Variants in PRLR observed in about 807,000 individuals in gnomAD.
The protein encoded by PRLR is prolactin receptor.
In PRLR, 13 loss-of-function variants were observed where a neutral mutation model predicts 40.2. That is an observed-to-expected ratio of 0.32 (90% CI 0.21 to 0.51). PRLR has a LOEUF of 0.51. Among genes scored for constraint, PRLR ranks in the 20% least tolerant of loss-of-function variants. The pLI, the probability that PRLR is intolerant of heterozygous loss-of-function variation, is 0.97. For synonymous variants in PRLR, 269 were observed against 278.7 expected, an observed-to-expected ratio of 0.97 and a Z score of 0.35; for missense variants, 656 against 747.3, an observed-to-expected ratio of 0.88 and a Z score of 1.42.
At chr5:35,086,642 C>T (rs533105019) in intron 3 of PRLR, among the ~76,000 whole-genome samples, 1 of 151,960 alleles carries the variant, frequency 6.6e-6, no homozygotes, top group East Asian at 1.9e-4. Flanking sequence ...TGCAAAATTT[C>T]AACAAAGAAT....
At chr5:35,097,830 G>A (rs1246619317) in intron 2 of PRLR, among the ~76,000 whole-genome samples, 1 of 152,100 alleles carries the variant, frequency 6.6e-6, no homozygotes, top group African/African-American at 2.4e-5. Context: ...CTTTGGAAAG[G>A]GGGGCCCTAG....
intron 6 of PRLR, 81 bp downstream of exon 6, chr5:35,072,494 A>G: frequency 6.9e-7 from 1 of 1,453,696 alleles, no homozygotes; most frequent in Non-Finnish European, 9.4e-7. Context: ...AGTAATTAGG[A>G]GGAATGACCT....
downstream of PRLR, among the ~76,000 whole-genome samples, chr5:35,053,657 A>G (rs1768584023): frequency 6.6e-6 from 1 of 152,256 alleles, no homozygotes; most frequent in Non-Finnish European, 1.5e-5. Flanking sequence ...AGAATAATGT[A>G]AAGTTTTATT....
chr5:35,100,483 A>G (rs1015987326), intron 2 of PRLR, among the ~76,000 whole-genome samples: 3 of 152,136 alleles, frequency 2.0e-5, no homozygotes. Flanking sequence ...TTTTTACTAT[A>G]CCTTTCCTAT....
At chr5:35,148,002 A>G (rs1774233776) in intron 1 of PRLR, among the ~76,000 whole-genome samples, 1 of 152,156 alleles carries the variant, frequency 6.6e-6, no homozygotes, top group Non-Finnish European at 1.5e-5. Context: ...TATATGTATA[A>G]TACAGATAGA....
At chr5:35,194,800 A>G (rs1028378158) in intron 1 of PRLR, among the ~76,000 whole-genome samples, 1 of 152,188 alleles carries the variant, frequency 6.6e-6, no homozygotes, top group Non-Finnish European at 1.5e-5. Context: ...AGGGAAGTGA[A>G]ACTATTCTGT....
intron 1 of PRLR, among the ~76,000 whole-genome samples, chr5:35,151,089 C>T (rs1020580609): frequency 3.3e-5 from 5 of 152,180 alleles, no homozygotes; most frequent in Admixed American, 6.5e-5. Flanking sequence ...TTGCTATTTA[C>T]CAATATTTCT....
chr5:35,109,268 A>G lies in PRLR; in HGVS notation c.-44+8793T>C, dbSNP rs189583957. On this transcript the variant is annotated intron_variant, in intron 2 of 9. Transcript: ENST00000618457. ...AGACCTAAAACCATAAAAACCCTAG[A>G]AGAAAATCTAGGCAATACCATTCAG... Among the ~76,000 whole-genome samples the G allele has an allele frequency of 3.5e-3, 526 of 152,338 alleles. 3 individuals carry two copies. The highest frequency in any genetic ancestry group is 0.011 in the African/African-American group (451 of 41,558).
chr5:35,123,992 A>G (rs184139560), intron 1 of PRLR, among the ~76,000 whole-genome samples: 1 of 152,290 alleles, frequency 6.6e-6, no homozygotes, highest in East Asian at 1.9e-4. Flanking sequence ...ATGTCAGAGG[A>G]AAAGGGAAAG....
intron 1 of PRLR, among the ~76,000 whole-genome samples, chr5:35,170,642 C>G (rs35911934): frequency 0.29 from 43,443 of 152,152 alleles, 6,337 homozygotes; most frequent in Middle Eastern, 0.34. Context: ...TCTAGTCTGA[C>G]TGGCAGACAC....
At chr5:35,225,874 G>T (rs1270182406) in intron 1 of PRLR, among the ~76,000 whole-genome samples, 1 of 152,144 alleles carries the variant, frequency 6.6e-6, no homozygotes, top group Admixed American at 6.5e-5. Flanking sequence ...TAGAGACGGG[G>T]TTTCACCGTG....
intron 1 of PRLR, among the ~76,000 whole-genome samples, chr5:35,120,291 C>T (rs538171341): frequency 2.0e-5 from 3 of 152,298 alleles, no homozygotes; most frequent in African/African-American, 7.2e-5. Flanking sequence ...CTCCACTCTT[C>T]TTTATGCAGA....
At chr5:35,220,235 C>G (rs901617057) in intron 1 of PRLR, among the ~76,000 whole-genome samples, 1 of 152,180 alleles carries the variant, frequency 6.6e-6, no homozygotes, top group Non-Finnish European at 1.5e-5. Context: ...CCCATGACCT[C>G]GGGCCCTCCT....
At chr5:35,152,631 G>T (rs973807088) in intron 1 of PRLR, among the ~76,000 whole-genome samples, 8 of 152,128 alleles carry the variant, frequency 5.3e-5, no homozygotes, top group African/African-American at 1.9e-4. Context: ...CTAGTTCACT[G>T]CTTCTTAATT....
At chr5:35,080,840 A>G (rs1579599192) in intron 5 of PRLR, among the ~76,000 whole-genome samples, 1 of 152,028 alleles carries the variant, frequency 6.6e-6, no homozygotes, top group Admixed American at 6.6e-5. Context: ...GCACTTATAC[A>G]CCATGGAATA....
In PRLR at chr5:35,172,217, G is replaced by A. The variant is rs145059313; in HGVS notation, c.-105-54095C>T. On this transcript the variant is annotated intron_variant, in intron 1 of 9. Transcript: ENST00000618457. The stretch of plus-strand genomic sequence containing the variant: ...CAGTGACTGCAGGCATGACAGGGCC[G>A]TGAGCTGGAAGACCTGCCCAATGTC... Among the ~76,000 whole-genome samples, 267 of 152,322 alleles carry A rather than the reference G, an allele frequency of 1.8e-3. 1 individual carries two copies. The highest frequency in any genetic ancestry group is 6.1e-3 in the African/African-American group (254 of 41,578).
intron 1 of PRLR, among the ~76,000 whole-genome samples, chr5:35,211,194 C>T (rs1776159226): frequency 6.6e-6 from 1 of 152,144 alleles, no homozygotes; most frequent in Admixed American, 6.5e-5. Flanking sequence ...TTTTCTTTTC[C>T]TGTAGTCCAT....
At chr5:35,067,058 C>T (rs37367) in intron 9 of PRLR, among the ~76,000 whole-genome samples, 34,909 of 151,988 alleles carry the variant, frequency 0.23, 5,496 homozygotes, top group African/African-American at 0.44. Context: ...CCACCGCGCC[C>T]GGCCTCTTTT....
At chr5:35,189,189 A>G (rs1249263439) in intron 1 of PRLR, among the ~76,000 whole-genome samples, 2 of 152,216 alleles carry the variant, frequency 1.3e-5, no homozygotes, top group Admixed American at 1.3e-4. Flanking sequence ...ACCAGAAGCT[A>G]GCAGACAGCC....
Sources: allele counts gnomAD v4.1 joint callset (sites outside exome capture counted in the v4.1 genomes callset), GRCh38; gene constraint gnomAD v4.1.1; transcripts MANE v1.5; gene names NCBI Gene and HGNC (gene_info 2026-07-23, HGNC 2026-07-21).